P2RY8: variants seen among roughly 807,000 people sequenced by gnomAD.
P2RY8 encodes S-geranylgeranyl-glutathione receptor P2RY8.
A neutral mutation model predicts 10.0 loss-of-function variants in P2RY8; 6 were observed. The ratio of observed to expected loss-of-function variants is 0.60; its 90% CI spans 0.33 to 1.19. The LOEUF (loss-of-function observed/expected upper bound fraction) is 1.19. Ranked by LOEUF, P2RY8 falls within the 50% of genes most tolerant of loss-of-function variation. P2RY8 has a pLI of 0.04. For synonymous variants in P2RY8, 276 were observed against 252.5 expected, an observed-to-expected ratio of 1.09 and a Z score of -0.88; for missense variants, 456 against 542.0, an observed-to-expected ratio of 0.84 and a Z score of 1.58.
At chrX:1,527,074 T>C (rs2092444359) in intron 1 of P2RY8, among the ~76,000 whole-genome samples, 1 of 152,120 alleles carries the variant, frequency 6.6e-6, no homozygotes, top group Admixed American at 6.5e-5. Flanking sequence ...TTGTATTTTT[T>C]AGTAGAGACG....
chrX:1,527,653 TC>T (rs1206055734), intron 1 of P2RY8, among the ~76,000 whole-genome samples: 1 of 152,076 alleles, frequency 6.6e-6, no homozygotes, highest in African/African-American at 2.4e-5. Flanking sequence ...CATCCAATCA[TC>T]CCTTCATTCA....
chrX:1,515,314 G>C (rs753166528), intron 1 of P2RY8, among the ~76,000 whole-genome samples: 2 of 151,636 alleles, frequency 1.3e-5, no homozygotes, highest in Non-Finnish European at 2.9e-5. Context: ...CAGTTCATTG[G>C]GTTTAGAACG....
intron 1 of P2RY8, among the ~76,000 whole-genome samples, chrX:1,524,675 A>ATTCG (rs2149412003): frequency 8.3e-6 from 1 of 121,104 alleles, no homozygotes; most frequent in African/African-American, 3.0e-5. Flanking sequence ...CCATTCATCC[A>ATTCG]TCCATCCATC....
At chrX:1,529,466 C>T (rs1224487126) in intron 1 of P2RY8, among the ~76,000 whole-genome samples, 1 of 152,022 alleles carries the variant, frequency 6.6e-6, no homozygotes, top group Non-Finnish European at 1.5e-5. Flanking sequence ...GGATGCTTGT[C>T]TATATCTTGG....
chrX:1,527,941 C>T (rs371453478), intron 1 of P2RY8, among the ~76,000 whole-genome samples: 2 of 152,174 alleles, frequency 1.3e-5, no homozygotes, highest in African/African-American at 4.8e-5. Context: ...CTACAGGGAC[C>T]CTGCTCATTC....
Position 1,465,592 on chromosome X carries a change from C to G in P2RY8, c.967G>C (p.Glu323Gln), listed in dbSNP as rs752991565. The change falls in exon 2 of 2, where the codon GAG (glutamate) becomes CAG (glutamine). Residue 323 changes from glutamate (E) to glutamine (Q), a missense_variant. Transcript: ENST00000381297. The part of the protein sequence containing the change: ...VPRDTLDTRR[E>Q]SLFSARTTSV... ...GTGGTCCTGGCGGAGAAGAGGCTCT[C>G]GCGGCGCGTGTCCAGGGTGTCTCTG... 4.5e-5 allele frequency: 73 copies of G among 1,612,916 alleles called. No individual in the cohort carries two copies. Among genetic ancestry groups the G allele is most frequent in the Non-Finnish European group, 1.7e-6 (2 of 1,179,822 alleles).
intron 1 of P2RY8, among the ~76,000 whole-genome samples, chrX:1,524,636 T>A (rs2092422905): frequency 2.0e-5 from 2 of 98,946 alleles, no homozygotes; most frequent in Non-Finnish European, 4.2e-5. Flanking sequence ...CATCCATCCA[T>A]CCATCCATAC....
At chrX:1,476,444 G>A (rs1397831859) in intron 1 of P2RY8, among the ~76,000 whole-genome samples, 6 of 151,700 alleles carry the variant, frequency 4.0e-5, no homozygotes, top group Admixed American at 1.3e-4. Flanking sequence ...AAAATTAGCC[G>A]GGCGTGGTGG....
At chrX:1,504,636 G>C (rs2092213197) in intron 1 of P2RY8, among the ~76,000 whole-genome samples, 1 of 152,276 alleles carries the variant, frequency 6.6e-6, no homozygotes, top group Non-Finnish European at 1.5e-5. Context: ...TGGATCACTT[G>C]AGGTTAGGAG....
intron 1 of P2RY8, among the ~76,000 whole-genome samples, chrX:1,496,889 C>T (rs745818856): frequency 8.5e-6 from 1 of 117,040 alleles, no homozygotes; most frequent in East Asian, 2.8e-4. Context: ...ATTTTAGAAA[C>T]TCAGTCACTC....
intron 1 of P2RY8, among the ~76,000 whole-genome samples, chrX:1,520,350 A>G (rs2092381875): frequency 6.7e-6 from 1 of 148,524 alleles, no homozygotes; most frequent in Admixed American, 6.7e-5. Context: ...AACCCCAATA[A>G]TGTCCCTGGT....
At chrX:1,521,873 G>C (rs747586321) in intron 1 of P2RY8, among the ~76,000 whole-genome samples, 1 of 150,238 alleles carries the variant, frequency 6.7e-6, no homozygotes, top group Non-Finnish European at 1.5e-5. Flanking sequence ...TTATAGCCCA[G>C]AATGAGGAAG....
intron 1 of P2RY8, among the ~76,000 whole-genome samples, chrX:1,529,087 G>A (rs184947341): frequency 2.3e-4 from 35 of 152,288 alleles, no homozygotes; most frequent in African/African-American, 8.4e-4. Flanking sequence ...TGTTTGATGA[G>A]AATAACACGT....
intron 1 of P2RY8, among the ~76,000 whole-genome samples, chrX:1,512,107 A>C (rs1256121873): frequency 1.3e-5 from 2 of 152,068 alleles, no homozygotes. Flanking sequence ...CCTGTGTAAG[A>C]GTGTCCTGGG....
chrX:1,470,371 C>T (rs775619906), intron 1 of P2RY8, among the ~76,000 whole-genome samples: 34 of 152,092 alleles, frequency 2.2e-4, no homozygotes, highest in African/African-American at 7.2e-4. Context: ...AAAAATTAAC[C>T]GGGTGTTGTG....
chrX:1,518,593 T>C, intron 1 of P2RY8, among the ~76,000 whole-genome samples: 1 of 151,884 alleles, frequency 6.6e-6, no homozygotes, highest in East Asian at 1.9e-4. Context: ...ATATTCTTGC[T>C]GGGCCCAATG....
intron 1 of P2RY8, among the ~76,000 whole-genome samples, chrX:1,514,768 T>C (rs867190752): frequency 4.5e-4 from 24 of 53,378 alleles, no homozygotes; most frequent in East Asian, 6.3e-4. Context: ...CCCTTCCCTT[T>C]CCTTTCCTCC....
At chrX:1,529,681 A>G (rs1244391203) in intron 1 of P2RY8, among the ~76,000 whole-genome samples, 3 of 152,048 alleles carry the variant, frequency 2.0e-5, no homozygotes, top group Non-Finnish European at 2.9e-5. Context: ...ATATCTATCT[A>G]TCATATCTAT....
intron 1 of P2RY8, among the ~76,000 whole-genome samples, chrX:1,509,063 CTATG>C (rs2092265394): frequency 6.8e-6 from 1 of 147,364 alleles, no homozygotes; most frequent in Non-Finnish European, 1.5e-5. Context: ...ATGCATCTAT[CTATG>C]TATCTATCTA....
Sources: allele counts gnomAD v4.1 joint callset (sites outside exome capture counted in the v4.1 genomes callset), GRCh38; gene constraint gnomAD v4.1.1; transcripts MANE v1.5; gene names NCBI Gene and HGNC (gene_info 2026-07-23, HGNC 2026-07-21).